Variants in ZNF106 observed in about 807,000 individuals in gnomAD.
ZNF106 encodes SH3-domain binding protein 3.
ZNF106 carries 67 observed loss-of-function variants against 195.1 expected under a neutral mutation model. That is an observed-to-expected ratio of 0.34 (90% CI 0.28 to 0.42). The LOEUF is 0.42. Ranked by LOEUF, ZNF106 falls within the 10% of genes least tolerant of loss-of-function variation. The probability of loss-of-function intolerance (pLI) is 1.00; values close to 1 mark genes in which losing one functional copy is unlikely to be tolerated. For synonymous variants in ZNF106, 784 were observed against 818.6 expected (o/e 0.96, Z 0.72); for missense variants, 2,118 against 2,304.5 (o/e 0.92, Z 1.66).
At chr15:42,419,580 G>C (rs1372084853) in intron 20 of ZNF106, among the ~76,000 whole-genome samples, 2 of 151,906 alleles carry the variant, frequency 1.3e-5, no homozygotes, top group Admixed American at 1.3e-4. Context: ...GAAGCACAAA[G>C]ACTCTCTGTC....
At chr15:42,483,531 T>G (rs1009199292) in intron 1 of ZNF106, among the ~76,000 whole-genome samples, 1 of 152,164 alleles carries the variant, frequency 6.6e-6, no homozygotes, top group Non-Finnish European at 1.5e-5. Flanking sequence ...AACATACACA[T>G]ACATGGTTTG....
chr15:42,444,877 G>A lies in ZNF106; in HGVS notation c.3310C>T (p.Leu1104Phe), dbSNP rs759756461. ...DNNLLQARAA[L>F]QTAYVEVQRL... ...TGAACTTCCACATAAGCTGTCTGAAGGGCTGCACGGGCTTGCAGAAGATTG... is the reference window on the plus strand; with the variant it reads ...TGAACTTCCACATAAGCTGTCTGAAAGGCTGCACGGGCTTGCAGAAGATTG... Residue 1104 changes from leucine to phenylalanine, a missense_variant, in exon 8 of 22, where the codon CTT becomes TTT. Physicochemically the swap from Leu to Phe is conservative, Grantham distance 22. Transcript: ENST00000564754. 9 of 1,614,050 alleles carry A rather than the reference G, an allele frequency of 5.6e-6. No individual in the cohort carries two copies. Among genetic ancestry groups the A allele is most frequent in the Non-Finnish European group, 6.8e-6 (8 of 1,180,034 alleles).
At chr15:42,479,382 TTAA>T (rs1365218582) in intron 1 of ZNF106, among the ~76,000 whole-genome samples, 2 of 151,762 alleles carry the variant, frequency 1.3e-5, no homozygotes, top group Non-Finnish European at 2.9e-5. Flanking sequence ...CAAAAAAAAA[TTAA>T]TAATAATTTT....
Position 42,489,179 on chromosome 15 carries a change from T to C in ZNF106, c.-33+1801A>G, listed in dbSNP as rs2057083336. Among the ~76,000 whole-genome samples, 3 of 149,810 alleles carry C rather than the reference T, an allele frequency of 2.0e-5. No individual in the cohort carries two copies. In the South Asian group the frequency reaches 6.3e-4, roughly 32 times the overall value. ...ACCCTCTACCTCCTGCCAGGCCATT[T>C]TTTATTATTTTTTAATTTTTTTTTT... On this transcript the variant is annotated intron_variant, in intron 1 of 21. Transcript: ENST00000564754.
intron 1 of ZNF106, 38 bp from the exon 2 acceptor site, chr15:42,472,359 T>A: frequency 6.9e-7 from 1 of 1,444,506 alleles, no homozygotes; most frequent in Non-Finnish European, 9.3e-7. Flanking sequence ...CCTTTTCTCC[T>A]CAGTACCTTC....
chr15:42,416,463 G>A lies in ZNF106; in HGVS notation c.*841C>T, dbSNP rs1274952207. On this transcript the variant is annotated 3_prime_UTR_variant, in exon 22 of 22. Transcript: ENST00000564754. Reference sequence around the variant, plus strand: ...TTCAAACCAACATTAGGCTTGCAGGGTCAGACACTAGAAAGGAAGATAAAG... The same window carrying A: ...TTCAAACCAACATTAGGCTTGCAGGATCAGACACTAGAAAGGAAGATAAAG... 1.3e-5 allele frequency: 2 copies of A among 152,328 alleles called. No homozygotes were observed. The highest frequency in any genetic ancestry group is 2.9e-5 in the Non-Finnish European group (2 of 68,158). 9.4% of individuals were successfully genotyped at this position (152,328 alleles called of 1,614,324 possible).
At chr15:42,444,056 G>A (rs1426314190) in intron 9 of ZNF106, 146 bp downstream of exon 9, 2 of 536,960 alleles carry the variant, frequency 3.7e-6, no homozygotes, top group Non-Finnish European at 6.3e-6. Flanking sequence ...AGGTTGCAGT[G>A]AGCAGAGATT....
At position 42,448,343 on chromosome 15, in the gene ZNF106, G is replaced by A. The variant is rs142640634; in HGVS notation, c.2864C>T (p.Thr955Ile). Residue 955 changes from threonine (T) to isoleucine (I), a missense_variant, in exon 6 of 22, where the codon ACC (threonine) becomes ATC (isoleucine). Physicochemically the swap from Thr to Ile is moderately conservative, Grantham distance 89. Coordinates refer to ENST00000564754, the MANE Select transcript of ZNF106 (RefSeq NM_001366845.3). Reference sequence around the variant, plus strand: ...TAATTGTGCACTATGTCGCCTTTGGGTAGCAACATTTTCAGCCCTTTCACC... The same window carrying A: ...TAATTGTGCACTATGTCGCCTTTGGATAGCAACATTTTCAGCCCTTTCACC... Reference protein sequence around the residue: ...RTGERAENVATQRRHSAQLSS... With the variant: ...RTGERAENVAIQRRHSAQLSS... The A allele has an allele frequency of 9.0e-5, 145 of 1,614,058 alleles. No individual in the cohort carries two copies. The highest frequency in any genetic ancestry group is 1.6e-4 in the Middle Eastern group (1 of 6,084).
intron 14 of ZNF106, among the ~76,000 whole-genome samples, chr15:42,434,692 CAT>C (rs1056925410): frequency 6.6e-6 from 1 of 151,402 alleles, no homozygotes; most frequent in African/African-American, 2.4e-5. Context: ...TCTTTCAGTG[CAT>C]TTAGGTTTAA....
intron 1 of ZNF106, among the ~76,000 whole-genome samples, chr15:42,489,873 T>G (rs751341168): frequency 6.6e-6 from 1 of 151,732 alleles, no homozygotes; most frequent in Non-Finnish European, 1.5e-5. Context: ...TCGTCTCTAC[T>G]AAAAATACAA....
chr15:42,418,902 A>T (rs1452944500), intron 20 of ZNF106, among the ~76,000 whole-genome samples: 1 of 151,768 alleles, frequency 6.6e-6, no homozygotes, highest in Non-Finnish European at 1.5e-5. Context: ...GCTTAATTTC[A>T]TGTATTAGAA....
intron 12 of ZNF106, among the ~76,000 whole-genome samples, chr15:42,437,688 C>T (rs540745176): frequency 6.6e-6 from 1 of 152,182 alleles, no homozygotes; most frequent in African/African-American, 2.4e-5. Context: ...GGACGGATCA[C>T]CTGAGGTCAG....
intron 4 of ZNF106, among the ~76,000 whole-genome samples, chr15:42,453,836 C>T (rs1016280860): frequency 3.9e-5 from 6 of 152,080 alleles, no homozygotes; most frequent in Admixed American, 2.0e-4. Context: ...CCTCGTGATC[C>T]GCCCACCTCA....
chr15:42,478,002 CAG>C (rs1173520133), intron 1 of ZNF106, among the ~76,000 whole-genome samples: 1 of 151,428 alleles, frequency 6.6e-6, no homozygotes, highest in Non-Finnish European at 1.5e-5. Context: ...TTATTTGAGA[CAG>C]AGTCTCACTC....
intron 18 of ZNF106, among the ~76,000 whole-genome samples, 185 bp downstream of exon 18, chr15:42,422,316 A>G (rs1331453879): frequency 6.6e-6 from 1 of 151,918 alleles, no homozygotes; most frequent in Non-Finnish European, 1.5e-5. Flanking sequence ...GACCCAGATC[A>G]AGTATCTTAG....
Position 42,414,274 on chromosome 15 carries a change from T to C in ZNF106, c.*3030A>G, listed in dbSNP as rs1296197188. 1 of 152,220 alleles carries C rather than the reference T, an allele frequency of 6.6e-6. No individual in the cohort carries two copies. Among genetic ancestry groups the C allele is most frequent in the Non-Finnish European group, 1.5e-5 (1 of 68,054 alleles). 9.4% of individuals were successfully genotyped at this position (152,220 alleles called of 1,614,324 possible). A position where few individuals can be genotyped will look rare whatever the true frequency, so the allele number is the denominator to read the frequency against. ...TAAAAAAAGAAGGCAAAGTTCTGTA[T>C]AATTTTCAAGACTCTTGTAAGTAGT... On this transcript the variant is annotated 3_prime_UTR_variant, in exon 22 of 22. Coordinates refer to ENST00000564754, the MANE Select transcript of ZNF106 (RefSeq NM_001366845.3).
chr15:42,474,766 G>A (rs895078243), intron 1 of ZNF106, among the ~76,000 whole-genome samples: 1 of 152,000 alleles, frequency 6.6e-6, no homozygotes, highest in African/African-American at 2.4e-5. Flanking sequence ...AAGAAAGAAA[G>A]AAAGAAAATA....
At chr15:42,427,807 A>C (rs1031234734) in intron 15 of ZNF106, 1 of 390,566 alleles carries the variant, frequency 2.6e-6, no homozygotes, top group Non-Finnish European at 4.8e-6. Flanking sequence ...GTGGAGTTAC[A>C]TTTTGGTCCT....
intron 9 of ZNF106, among the ~76,000 whole-genome samples, chr15:42,443,959 C>T (rs1468905639): frequency 6.6e-6 from 1 of 151,552 alleles, no homozygotes; most frequent in East Asian, 1.9e-4. Flanking sequence ...ACTAAAAATA[C>T]AAAAATTAGC....
Sources: allele counts gnomAD v4.1 joint callset (sites outside exome capture counted in the v4.1 genomes callset), GRCh38; gene constraint gnomAD v4.1.1; transcripts MANE v1.5; gene names NCBI Gene and HGNC (gene_info 2026-07-23, HGNC 2026-07-21).